The following NRAP variants were observed in gnomAD, a reference collection of about 807,000 sequenced individuals.
The protein encoded by NRAP is nebulin related anchoring protein, also known as nebulin-related-anchoring protein.
In NRAP, 189 loss-of-function variants were observed where a neutral mutation model predicts 225.9. That is an observed-to-expected ratio of 0.84 (90% CI 0.74 to 0.94). NRAP has a LOEUF of 0.94. NRAP is among the 40% of genes least tolerant of loss of function. NRAP has a pLI of 0.00. For synonymous variants in NRAP, 769 were observed against 790.7 expected (o/e 0.97, Z 0.46); for missense variants, 2,176 against 2,168.7 (o/e 1.00, Z -0.07).
chr10:113,629,600 C>T lies in NRAP; in HGVS notation c.2028G>A (p.Gly676=), dbSNP rs753935940. The T allele has an allele frequency of 3.1e-6, 5 of 1,611,438 alleles. No homozygotes were observed. The highest frequency in any genetic ancestry group is 4.5e-5 in the East Asian group (2 of 44,870). The change falls in exon 19 of 42, where the codon GGG becomes GGA. Residue 676 remains glycine, a synonymous_variant. Transcript: ENST00000359988. The part of the protein sequence containing the change: ...MKTQWAKKAY[G]LQSELQYKAD... Reference sequence around the variant, plus strand: ...TGTGTGGGCTCACCTCGCTCTGGAGCCCATAGGCCTTCTTGGCCCACTGAG... The same window carrying T: ...TGTGTGGGCTCACCTCGCTCTGGAGTCCATAGGCCTTCTTGGCCCACTGAG...
intron 27 of NRAP, among the ~76,000 whole-genome samples, 153 bp from the exon 28 acceptor site, chr10:113,615,099 G>T (rs1048326610): frequency 2.0e-5 from 3 of 151,906 alleles, no homozygotes; most frequent in African/African-American, 7.3e-5. Flanking sequence ...CTAAACCCAC[G>T]TGAGTTGGAT....
intron 18 of NRAP, 51 bp from the exon 19 acceptor site, chr10:113,629,836 G>C: frequency 7.9e-7 from 1 of 1,268,626 alleles, no homozygotes; most frequent in South Asian, 1.2e-5. Context: ...CCCACCCTTT[G>C]CAGGAGTGAT....
At chr10:113,619,144 A>G (rs1271911728) in intron 25 of NRAP, among the ~76,000 whole-genome samples, 1 of 152,192 alleles carries the variant, frequency 6.6e-6, no homozygotes, top group Admixed American at 6.5e-5. Context: ...GAGGTGGCTA[A>G]CTAACAACTG....
At chr10:113,649,805 T>A (rs912664328) in intron 9 of NRAP, among the ~76,000 whole-genome samples, 1 of 152,188 alleles carries the variant, frequency 6.6e-6, no homozygotes, top group African/African-American at 2.4e-5. Flanking sequence ...TTGGTATAAG[T>A]CATTTATTAA....
rs375403461 is a variant in NRAP at position 113,599,773 on chromosome 10, G to A, written c.4228-1700C>T. ...CAAGAAGAATCTGCTACCCAAAGAT[G>A]GTTTCGAAGAAGGATTATAAGATAA... is the stretch of plus-strand genomic sequence containing the variant. On this transcript the variant is annotated intron_variant, in intron 35 of 41. Coordinates refer to ENST00000359988, the MANE Select transcript of NRAP (RefSeq NM_198060.4). 1.4e-4 allele frequency among the ~76,000 whole-genome samples: 21 copies of A among 151,840 alleles called. No homozygotes were observed. In the East Asian group the frequency reaches 1.5e-3, roughly 11 times the overall value.
chr10:113,655,452 A>ATTC (rs34169375), intron 4 of NRAP, among the ~76,000 whole-genome samples: 77,614 of 144,922 alleles, frequency 0.54, 22,252 homozygotes, highest in East Asian at 0.68. Context: ...TTGTACATCC[A>ATTC]TTTTTTTTTT....
intron 23 of NRAP, among the ~76,000 whole-genome samples, chr10:113,622,991 C>A (rs956497385): frequency 2.1e-4 from 32 of 152,224 alleles, no homozygotes; most frequent in African/African-American, 7.7e-4. Context: ...TCTCTCACAT[C>A]CAACTCCTAA....
At chr10:113,597,420 C>T (rs885567) in intron 36 of NRAP, among the ~76,000 whole-genome samples, 38,751 of 151,978 alleles carry the variant, frequency 0.25, 5,159 homozygotes, top group East Asian at 0.43. Flanking sequence ...CAAAATACTA[C>T]GGCTCCCCAC....
At chr10:113,644,338 T>A (rs527713619) in intron 11 of NRAP, among the ~76,000 whole-genome samples, 2 of 152,176 alleles carry the variant, frequency 1.3e-5, no homozygotes, top group Admixed American at 1.3e-4. Flanking sequence ...CTAGGTCTAG[T>A]GTTCTGTGAG....
chr10:113,612,023 C>T (rs1045679883), intron 30 of NRAP, among the ~76,000 whole-genome samples: 6 of 152,116 alleles, frequency 3.9e-5, no homozygotes, highest in Non-Finnish European at 7.4e-5. Flanking sequence ...GCTTAGAGTG[C>T]AGCAAAAAAT....
At chr10:113,656,148 T>A (rs989887165) in intron 4 of NRAP, among the ~76,000 whole-genome samples, 23 of 152,308 alleles carry the variant, frequency 1.5e-4, no homozygotes, top group Non-Finnish European at 4.4e-5. Flanking sequence ...CAATCTATTC[T>A]CTCTGAAACC....
In NRAP at chr10:113,590,905, G is replaced by A. The variant is rs1845942464; in HGVS notation, c.4645-16C>T. 2 of 1,610,042 alleles carry A rather than the reference G, an allele frequency of 1.2e-6. No individual in the cohort carries two copies. Among genetic ancestry groups the A allele is most frequent in the African/African-American group, 2.7e-5 (2 of 74,854 alleles). ...TGTACCGGAACTGCAAGTCAGAGGA[G>A]CAGAGGCAGATCATGGGTGCCTACC... On this transcript the variant is annotated splice_polypyrimidine_tract_variant and intron_variant, in intron 39 of 41. Transcript: ENST00000359988.
Position 113,590,716 on chromosome 10 carries a change from C to A in NRAP, c.4818G>T (p.Gln1606His). The A allele has an allele frequency of 1.2e-6, 2 of 1,614,232 alleles. No individual in the cohort carries two copies. The highest frequency in any genetic ancestry group is 1.7e-6 in the Non-Finnish European group (2 of 1,180,030). ...TCCTCTTGGCCTGAAGGAGGCCGGG[C>A]TGGTCTGTGCTGCTGTGAAACTGGG... ...SRSQFHSSTDQPGLLQAKRSQ... is the reference protein window; with the variant it reads ...SRSQFHSSTDHPGLLQAKRSQ... The change falls in exon 40 of 42, where the codon CAG (glutamine) becomes CAT (histidine). Residue 1606 changes from glutamine to histidine, a missense_variant. Gln to His is a conservative substitution (Grantham distance 24, BLOSUM62 0). Transcript: ENST00000359988.
At position 113,640,318 on chromosome 10, in the gene NRAP, G is replaced by C. The variant is rs1426869610; in HGVS notation, c.1337C>G (p.Ala446Gly). 1 of 1,576,774 alleles carries C rather than the reference G, an allele frequency of 6.3e-7. No homozygotes were observed. Among genetic ancestry groups the C allele is most frequent in the African/African-American group, 1.4e-5 (1 of 72,328 alleles). ...GSLASNVAYK[A>G]DYKHDIVDYN... is the part of the protein sequence containing the mutation. Reference sequence around the variant, plus strand: ...GTCGACAATATCATGTTTATAATCAGCTTTGTAGGCAACCTAAAACAGGAA... The same window carrying C: ...GTCGACAATATCATGTTTATAATCACCTTTGTAGGCAACCTAAAACAGGAA... Residue 446 changes from alanine (A) to glycine (G), a missense_variant, in exon 14 of 42, where the codon GCT becomes GGT. Transcript: ENST00000359988.
At position 113,650,209 on chromosome 10, in the gene NRAP, T is replaced by C. The variant is rs1363002146; in HGVS notation, c.784-68A>G. ...TGCACAGGAGCCAAAAGAGTAAAAG[T>C]GAATGTCTTAATGGAATGTTCTTTT... is the stretch of plus-strand genomic sequence containing the variant. On this transcript the variant is annotated intron_variant, in intron 8 of 41. Transcript: ENST00000359988. 4 of 1,008,696 alleles carry C rather than the reference T, an allele frequency of 4.0e-6. No individual in the cohort carries two copies. In the East Asian group the frequency reaches 9.5e-5, roughly 24 times the overall value. 62.5% of individuals were successfully genotyped at this position (1,008,696 alleles called of 1,614,324 possible).
chr10:113,646,543 C>T (rs539672524), intron 10 of NRAP, among the ~76,000 whole-genome samples: 2 of 152,338 alleles, frequency 1.3e-5, no homozygotes, highest in African/African-American at 4.8e-5. Flanking sequence ...TAACATTCTG[C>T]CAATAAAAAT....
rs1216115960 is a variant in NRAP at position 113,662,688 on chromosome 10, G to A, written c.246C>T (p.Ala82=). 1.3e-6 allele frequency: 2 copies of A among 1,549,964 alleles called. No individual in the cohort carries two copies. The highest frequency in any genetic ancestry group is 2.2e-5 in the South Asian group (2 of 89,972). The part of the protein sequence containing the change: ...LNLNVRTFPE[A]ISGIHDQEDG... ...AAATTAAATAACTTACCCCACTGATGGCCTCTGGAAATGTCCTCACATTTA... is the reference window on the plus strand; with the variant it reads ...AAATTAAATAACTTACCCCACTGATAGCCTCTGGAAATGTCCTCACATTTA... Residue 82 remains alanine, a synonymous_variant, in exon 3 of 42, where the codon GCC becomes GCT. Transcript: ENST00000359988.
chr10:113,603,533 G>A (rs1031978783), intron 35 of NRAP, among the ~76,000 whole-genome samples: 2 of 152,106 alleles, frequency 1.3e-5, no homozygotes, highest in Non-Finnish European at 2.9e-5. Context: ...CTGCCCCCAC[G>A]TCAGACTGCT....
chr10:113,592,185 G>T lies in NRAP; in HGVS notation c.4644+9C>A. On this transcript the variant is annotated intron_variant, in intron 39 of 41. Transcript: ENST00000359988. ...TCAGTGACCGCAGGAGAGAACATGGGGGTCTTACATCACTGGCGATCTCCC... is the reference window on the plus strand; with the variant it reads ...TCAGTGACCGCAGGAGAGAACATGGTGGTCTTACATCACTGGCGATCTCCC... The T allele has an allele frequency of 6.4e-7, 1 of 1,559,384 alleles. No individual in the cohort carries two copies. Among genetic ancestry groups the T allele is most frequent in the Non-Finnish European group, 8.8e-7 (1 of 1,135,072 alleles).
Sources: gnomAD v4.1 joint callset for allele counts (sites outside exome capture counted in the v4.1 genomes callset) on GRCh38, gnomAD v4.1.1 for gene constraint, MANE v1.5 for transcripts, NCBI Gene and HGNC (gene_info 2026-07-23, HGNC 2026-07-21) for gene names.